The following PLSCR2 variants were observed in gnomAD, a reference collection of about 807,000 sequenced individuals.
PLSCR2 encodes the protein phospholipid scramblase 2, also known as PL scramblase 2.
In PLSCR2, 18 loss-of-function variants were observed where a neutral mutation model predicts 25.3. The ratio of observed to expected loss-of-function variants is 0.71; its 90% CI spans 0.49 to 1.06. PLSCR2 has a LOEUF of 1.06. Among genes scored for constraint, PLSCR2 ranks in the 50% least tolerant of loss-of-function variants. The pLI is 0.00. For synonymous variants in PLSCR2, 88 were observed against 87.3 expected (o/e 1.01, Z -0.04); for missense variants, 243 against 269.5 (o/e 0.90, Z 0.69).
upstream of PLSCR2, among the ~76,000 whole-genome samples, chr3:146,464,294 T>C (rs2041761523): frequency 6.6e-6 from 1 of 152,202 alleles, no homozygotes; most frequent in African/African-American, 2.4e-5. Flanking sequence ...CTTTTCAGCA[T>C]ACAAAATTGC....
At chr3:146,405,019 C>T (rs569131613) in intron 2 of PLSCR2, among the ~76,000 whole-genome samples, 28 of 152,106 alleles carry the variant, frequency 1.8e-4, no homozygotes, top group African/African-American at 6.5e-4. Flanking sequence ...TGTACTTGAG[C>T]GAGTTAGAGA....
chr3:146,411,183 G>A (rs568737577), intron 2 of PLSCR2, among the ~76,000 whole-genome samples: 1 of 152,276 alleles, frequency 6.6e-6, no homozygotes, highest in African/African-American at 2.4e-5. Context: ...AGAAACTAAG[G>A]CTCAGTTCCC....
chr3:146,433,688 G>A (rs1340069609), intron 8 of PLSCR2, among the ~76,000 whole-genome samples, 171 bp from the exon 8 acceptor site: 4 of 152,080 alleles, frequency 2.6e-5, no homozygotes, highest in Non-Finnish European at 5.9e-5. Flanking sequence ...ACTTGACTTG[G>A]CATACTGTCT....
At chr3:146,482,625 G>T (rs1304333484) in intron 1 of PLSCR2, among the ~76,000 whole-genome samples, 1 of 152,224 alleles carries the variant, frequency 6.6e-6, no homozygotes, top group African/African-American at 2.4e-5. Flanking sequence ...TACACTGTTG[G>T]TGGGACTGTG....
At chr3:146,420,499 AT>A (rs1301865803) in intron 2 of PLSCR2, among the ~76,000 whole-genome samples, 1 of 152,062 alleles carries the variant, frequency 6.6e-6, no homozygotes, top group East Asian at 1.9e-4. Context: ...CGCTGTGTTG[AT>A]TTTTTTAACA....
chr3:146,393,996 A>G (rs947595913), intron 3 of PLSCR2, among the ~76,000 whole-genome samples: 1 of 152,036 alleles, frequency 6.6e-6, no homozygotes, highest in African/African-American at 2.4e-5. Flanking sequence ...TATATTTTGA[A>G]GTTAATATTA....
At chr3:146,473,111 T>C (rs10935633) in intron 1 of PLSCR2, among the ~76,000 whole-genome samples, 6,442 of 152,264 alleles carry the variant, frequency 0.042, 197 homozygotes, top group Admixed American at 0.089. Flanking sequence ...CTAGACACCC[T>C]TTGTGACTTC....
At chr3:146,486,227 A>G (rs1560058112) in intron 1 of PLSCR2, among the ~76,000 whole-genome samples, 1 of 152,146 alleles carries the variant, frequency 6.6e-6, no homozygotes, top group Non-Finnish European at 1.5e-5. Flanking sequence ...AAAGATCTCA[A>G]ATTGACACCC....
intron 2 of PLSCR2, among the ~76,000 whole-genome samples, chr3:146,418,488 C>A (rs1349975458): frequency 6.6e-6 from 1 of 152,138 alleles, no homozygotes; most frequent in African/African-American, 2.4e-5. Flanking sequence ...CAATGTAGGA[C>A]AGGCATAGTT....
At chr3:146,453,458 C>CAT (rs1253763797) in intron 5 of PLSCR2, among the ~76,000 whole-genome samples, 4 of 152,000 alleles carry the variant, frequency 2.6e-5, no homozygotes, top group African/African-American at 9.7e-5. Context: ...AATATAGAGA[C>CAT]ATATGGTGGT....
intron 6 of PLSCR2, among the ~76,000 whole-genome samples, chr3:146,445,542 T>A (rs1313921384): frequency 6.6e-6 from 1 of 151,594 alleles, no homozygotes; most frequent in Non-Finnish European, 1.5e-5. Context: ...TTTTATGTTA[T>A]TTTTTTTTCT....
At chr3:146,453,531 T>A (rs144851021) in intron 5 of PLSCR2, among the ~76,000 whole-genome samples, 2 of 152,060 alleles carry the variant, frequency 1.3e-5, no homozygotes, top group Non-Finnish European at 2.9e-5. Context: ...AATTGGGTAA[T>A]ACATATTACA....
intron 2 of PLSCR2, among the ~76,000 whole-genome samples, chr3:146,400,598 G>C (rs2038434193): frequency 9.4e-6 from 1 of 106,584 alleles, no homozygotes; most frequent in African/African-American, 3.1e-5. Context: ...TATCTCAGCA[G>C]AATTTTTTAA....
At chr3:146,488,680 G>T (rs1297002163) in intron 1 of PLSCR2, among the ~76,000 whole-genome samples, 1 of 152,092 alleles carries the variant, frequency 6.6e-6, no homozygotes. Context: ...AATGGATGCT[G>T]GCGAGGCTGT....
chr3:146,466,538 A>T (rs2041878997), intron 1 of PLSCR2, among the ~76,000 whole-genome samples: 1 of 152,248 alleles, frequency 6.6e-6, no homozygotes, highest in Non-Finnish European at 1.5e-5. Flanking sequence ...CTGAAATTGT[A>T]GTAGTAAAGT....
chr3:146,437,704 T>C (rs751980275), downstream of PLSCR2, among the ~76,000 whole-genome samples: 2 of 152,180 alleles, frequency 1.3e-5, no homozygotes, highest in Non-Finnish European at 2.9e-5. Context: ...TCAATTTTGT[T>C]GATTTTTTCA....
intron 2 of PLSCR2, among the ~76,000 whole-genome samples, chr3:146,397,009 T>C (rs1025198350): frequency 3.7e-4 from 56 of 152,164 alleles, no homozygotes; most frequent in African/African-American, 1.2e-3. Context: ...CCTGTTATGA[T>C]GAATGGGCCA....
chr3:146,410,195 G>A (rs2038800225), intron 2 of PLSCR2, among the ~76,000 whole-genome samples: 1 of 152,080 alleles, frequency 6.6e-6, no homozygotes, highest in South Asian at 2.1e-4. Context: ...GGGCAGGGGC[G>A]AGGAGGAAAA....
chr3:146,455,485 C>G (rs756046896), intron 3 of PLSCR2, 26 bp from the exon 4 acceptor site: 2 of 1,374,084 alleles, frequency 1.5e-6, no homozygotes, highest in Non-Finnish European at 2.1e-6. Flanking sequence ...AAATCAGTTG[C>G]CTTTACGTTA....
Sources: allele counts gnomAD v4.1 joint callset (sites outside exome capture counted in the v4.1 genomes callset), GRCh38; gene constraint gnomAD v4.1.1; transcripts MANE v1.5; gene names NCBI Gene and HGNC (gene_info 2026-07-23, HGNC 2026-07-21).